EML4: variants seen among roughly 807,000 people sequenced by gnomAD.
The protein encoded by EML4 is EMAP like 4.
Under a neutral mutation model 129.0 loss-of-function variants are expected in EML4, and 72 were observed. The observed-to-expected ratio is 0.56, with a 90% confidence interval of 0.46 to 0.68. EML4 has a LOEUF of 0.68. Among genes scored for constraint, EML4 ranks in the 30% least tolerant of loss-of-function variants. The pLI is 0.00. For synonymous variants in EML4, 532 were observed against 405.0 expected, an observed-to-expected ratio of 1.31 and a Z score of -3.77; for missense variants, 1,363 against 1,190.6, an observed-to-expected ratio of 1.14 and a Z score of -2.13.
chr2:42,174,932 T>C (rs1670513731), intron 1 of EML4, among the ~76,000 whole-genome samples: 1 of 149,796 alleles, frequency 6.7e-6, no homozygotes, highest in Admixed American at 6.7e-5. Flanking sequence ...GTTATCTGCC[T>C]CAGCCTCCCT....
intron 6 of EML4, chr2:42,265,051 A>AAC: frequency 8.8e-7 from 1 of 1,139,132 alleles, no homozygotes. Context: ...TTCTTCCTTA[A>AAC]AAAGGAAATA....
intron 6 of EML4, among the ~76,000 whole-genome samples, chr2:42,275,890 T>C (rs10490557): frequency 0.19 from 29,360 of 152,186 alleles, 3,581 homozygotes; most frequent in Middle Eastern, 0.33. Flanking sequence ...CACCAGACTT[T>C]GTATTGTTAC....
intron 17 of EML4, among the ~76,000 whole-genome samples, chr2:42,311,389 C>G (rs1406763305): frequency 6.6e-6 from 1 of 152,078 alleles, no homozygotes; most frequent in Non-Finnish European, 1.5e-5. Context: ...GGCAAAACCC[C>G]TCCTCTACAA....
intron 1 of EML4, among the ~76,000 whole-genome samples, chr2:42,171,624 A>T (rs1189249628): frequency 6.6e-6 from 1 of 152,174 alleles, no homozygotes; most frequent in Non-Finnish European, 1.5e-5. Context: ...AATTCATTTG[A>T]TGCCATGCTT....
At chr2:42,237,970 C>T (rs992155058) in intron 1 of EML4, among the ~76,000 whole-genome samples, 1 of 152,062 alleles carries the variant, frequency 6.6e-6, no homozygotes, top group African/African-American at 2.4e-5. Context: ...GATGGTTATG[C>T]CAAAAAACAA....
At chr2:42,265,624 G>A (rs889432502) in intron 6 of EML4, among the ~76,000 whole-genome samples, 2 of 152,082 alleles carry the variant, frequency 1.3e-5, no homozygotes, top group African/African-American at 2.4e-5. Context: ...TACAAAAAGG[G>A]ATAAAATACT....
intron 2 of EML4, among the ~76,000 whole-genome samples, chr2:42,250,159 G>A (rs1320988236): frequency 1.3e-5 from 2 of 152,184 alleles, no homozygotes; most frequent in African/African-American, 4.8e-5. Flanking sequence ...TCTGAAGTTG[G>A]CAGTCAGTCA....
At chr2:42,312,154 G>A (rs947971819) in intron 17 of EML4, among the ~76,000 whole-genome samples, 3 of 152,168 alleles carry the variant, frequency 2.0e-5, no homozygotes, top group Non-Finnish European at 2.9e-5. Context: ...AACAAAATTC[G>A]GTTAGCTTCC....
chr2:42,296,980 C>G (rs1422033975), intron 13 of EML4, among the ~76,000 whole-genome samples: 1 of 152,152 alleles, frequency 6.6e-6, no homozygotes. Flanking sequence ...AATCCATTCA[C>G]CTGAATGTCT....
intron 1 of EML4, among the ~76,000 whole-genome samples, chr2:42,194,035 C>T (rs1671759331): frequency 2.0e-5 from 3 of 152,146 alleles, no homozygotes; most frequent in Admixed American, 2.0e-4. Context: ...GAAATAGTTG[C>T]AGAATTTCCC....
Position 42,224,230 on chromosome 2 carries a change from T to C in EML4, c.26-21275T>C, listed in dbSNP as rs529413174. Among the ~76,000 whole-genome samples, 3 of 152,264 alleles carry C rather than the reference T, an allele frequency of 2.0e-5. No individual in the cohort carries two copies. In the East Asian group the frequency reaches 5.8e-4, roughly 29 times the overall value. On this transcript the variant is annotated intron_variant, in intron 1 of 22. Transcript: ENST00000318522. Reference sequence around the variant, plus strand: ...CCTGTTTCTCCCAATCCCTATAGTTTTTAGGCAGCTGCTAATCTACTTTAT... The same window carrying C: ...CCTGTTTCTCCCAATCCCTATAGTTCTTAGGCAGCTGCTAATCTACTTTAT...
rs1676165700 is a variant in EML4, at chr2:42,256,572, A to G, written c.280A>G (p.Ser94Gly). The change falls in exon 3 of 23, where the codon AGT becomes GGT. Residue 94 changes from serine (S) to glycine (G), a missense_variant. Transcript: ENST00000318522. ...TNGSGANRKPSHTSAVSIAGK... is the reference protein window; with the variant it reads ...TNGSGANRKPGHTSAVSIAGK... ...TGGAAGTGGTGCAAACAGAAAACCA[A>G]GTCATACCAGTGCTGTCTCAATTGC... is the stretch of plus-strand genomic sequence containing the variant. 13 of 1,613,950 alleles carry G rather than the reference A, an allele frequency of 8.1e-6. No homozygotes were observed. Among genetic ancestry groups the G allele is most frequent in the East Asian group, 2.2e-5 (1 of 44,884 alleles).
intron 13 of EML4, among the ~76,000 whole-genome samples, chr2:42,296,109 A>C (rs140840056): frequency 3.3e-4 from 50 of 152,340 alleles, no homozygotes; most frequent in African/African-American, 1.1e-3. Context: ...AAGGACATGG[A>C]AAATAACCTT....
intron 6 of EML4, among the ~76,000 whole-genome samples, chr2:42,272,895 A>C (rs2104431060): frequency 6.6e-6 from 1 of 152,332 alleles, no homozygotes; most frequent in South Asian, 2.1e-4. Context: ...CTATTTTAAA[A>C]AATTGGACAG....
chr2:42,305,994 A>G (rs186815581), intron 17 of EML4, among the ~76,000 whole-genome samples: 8 of 152,352 alleles, frequency 5.3e-5, no homozygotes, highest in African/African-American at 1.4e-4. Flanking sequence ...ATCTTTCAGA[A>G]TAATGGAAAA....
At chr2:42,263,625 G>A (rs1336367481) in intron 5 of EML4, among the ~76,000 whole-genome samples, 9 of 151,636 alleles carry the variant, frequency 5.9e-5, no homozygotes, top group South Asian at 4.2e-4. Context: ...GGATGGTCTC[G>A]ATCTCTTGAC....
intron 13 of EML4, among the ~76,000 whole-genome samples, chr2:42,299,872 G>C (rs1668182772): frequency 6.6e-6 from 1 of 152,116 alleles, no homozygotes; most frequent in South Asian, 2.1e-4. Context: ...GTTTTTAGTA[G>C]AGAGGGTTTT....
chr2:42,191,197 G>A (rs1300978571), intron 1 of EML4, among the ~76,000 whole-genome samples: 1 of 151,996 alleles, frequency 6.6e-6, no homozygotes, highest in African/African-American at 2.4e-5. Context: ...AATAACCATG[G>A]GAAGTGTGTG....
At chr2:42,288,878 A>G (rs1558578233) in intron 11 of EML4, 2 of 152,180 alleles carry the variant, frequency 1.3e-5, no homozygotes, top group Non-Finnish European at 2.9e-5. Context: ...TGTAAAATGC[A>G]TTGAAGCTGG....
Sources: allele counts gnomAD v4.1 joint callset (sites outside exome capture counted in the v4.1 genomes callset), GRCh38; gene constraint gnomAD v4.1.1; transcripts MANE v1.5; gene names NCBI Gene and HGNC (gene_info 2026-07-23, HGNC 2026-07-21).